SLC9D1: variants seen among roughly 807,000 people sequenced by gnomAD.
SLC9D1 encodes the protein putative LAG1-interacting protein.
At chr13:113,548,093 G>GC in the SLC9D1 span, among the ~76,000 whole-genome samples, 1 of 152,182 alleles carries the variant, frequency 6.6e-6, no homozygotes, top group South Asian at 2.1e-4. Context: ...GCTTAATTTT[G>GC]CCTTATTGTT....
the SLC9D1 span, among the ~76,000 whole-genome samples, chr13:113,540,716 G>A: frequency 1.3e-5 from 2 of 152,214 alleles, no homozygotes; most frequent in Non-Finnish European, 2.9e-5. Flanking sequence ...TTTGCTGGGC[G>A]GAAGCTCCTT....
chr13:113,506,558 A>T, the SLC9D1 span, among the ~76,000 whole-genome samples: 244 of 109,846 alleles, frequency 2.2e-3, 2 homozygotes, highest in African/African-American at 9.3e-3. Flanking sequence ...TGTGTGTGTG[A>T]GTGTGTGTGT....
chr13:113,519,347 C>CTTT, the SLC9D1 span, among the ~76,000 whole-genome samples: 24,830 of 135,680 alleles, frequency 0.18, 2,885 homozygotes, highest in African/African-American at 0.34. Flanking sequence ...CGCCCAGCCG[C>CTTT]TTTTTTTTTT....
the SLC9D1 span, chr13:113,536,754 C>T: frequency 1.4e-4 from 24 of 168,660 alleles, no homozygotes; most frequent in East Asian, 3.8e-4. Context: ...TCTTAGGATT[C>T]GTTTCCATTT....
chr13:113,533,669 C>T, the SLC9D1 span, among the ~76,000 whole-genome samples: 166 of 152,310 alleles, frequency 1.1e-3, no homozygotes, highest in African/African-American at 3.6e-3. Context: ...GTCCATCAGG[C>T]GACTGCGGTG....
the SLC9D1 span, chr13:113,501,905 G>C: frequency 6.3e-7 from 1 of 1,581,546 alleles, no homozygotes; most frequent in Non-Finnish European, 8.7e-7. Context: ...GGATTGTTTT[G>C]GTATCTGTTT....
At chr13:113,525,082 T>C in the SLC9D1 span, among the ~76,000 whole-genome samples, 1 of 152,230 alleles carries the variant, frequency 6.6e-6, no homozygotes, top group Non-Finnish European at 1.5e-5. Context: ...AACTTATCAC[T>C]GTTTGCTGGA....
chr13:113,501,903 T>G, the SLC9D1 span: 1 of 1,582,662 alleles, frequency 6.3e-7, no homozygotes, highest in African/African-American at 1.4e-5. Flanking sequence ...TTGGATTGTT[T>G]TGGTATCTGT....
chr13:113,535,686 A>T, the SLC9D1 span, among the ~76,000 whole-genome samples: 1,571 of 152,098 alleles, frequency 0.01, 12 homozygotes, highest in Non-Finnish European at 0.017. This position sits in a 1 kb window ranked among gnomAD's most constrained non-coding sequence, Gnocchi z 4.1. Context: ...AAGGCTGCGT[A>T]CTGTGTGGTT....
chr13:113,491,658 C>T, the SLC9D1 span, among the ~76,000 whole-genome samples: 1 of 152,234 alleles, frequency 6.6e-6, no homozygotes, highest in Non-Finnish European at 1.5e-5. Flanking sequence ...AGGCGCTCTT[C>T]GCTGAGGCCC....
the SLC9D1 span, chr13:113,524,051 C>T: frequency 2.2e-6 from 1 of 454,392 alleles, no homozygotes; most frequent in Admixed American, 2.4e-5. Context: ...GTGGTAAATG[C>T]TCCAAAGTCA....
the SLC9D1 span, among the ~76,000 whole-genome samples, chr13:113,492,963 C>T: frequency 6.6e-6 from 1 of 152,176 alleles, no homozygotes; most frequent in Non-Finnish European, 1.5e-5. Context: ...ATAACTAGAA[C>T]AGCTAAAGAT....
chr13:113,535,048 A>C, the SLC9D1 span: 1 of 152,250 alleles, frequency 6.6e-6, no homozygotes, highest in Non-Finnish European at 1.5e-5. The surrounding 1 kb of genome is among the most constrained non-coding windows in gnomAD (Gnocchi z 4.1). Flanking sequence ...GTGCCACTGC[A>C]CTCCAGCCTG....
At chr13:113,541,487 C>A in the SLC9D1 span, among the ~76,000 whole-genome samples, 1 of 135,400 alleles carries the variant, frequency 7.4e-6, no homozygotes, top group Non-Finnish European at 1.5e-5. Context: ...TGCTTTATTA[C>A]CGCCGAGATG....
At chr13:113,510,424 G>A in the SLC9D1 span, 2 of 1,609,984 alleles carry the variant, frequency 1.2e-6, no homozygotes, top group Non-Finnish European at 1.7e-6. Context: ...TGACAAAGAA[G>A]GTAGGTGACG....
chr13:113,550,215 ATC>A, the SLC9D1 span: 1 of 152,184 alleles, frequency 6.6e-6, no homozygotes, highest in Admixed American at 6.5e-5. Context: ...ATTTATTAAA[ATC>A]TGTTTTTATT....
At chr13:113,508,008 G>A in the SLC9D1 span, among the ~76,000 whole-genome samples, 1 of 152,266 alleles carries the variant, frequency 6.6e-6, no homozygotes, top group East Asian at 1.9e-4. Context: ...TGCAGATGGG[G>A]TTTCTGATGC....
the SLC9D1 span, among the ~76,000 whole-genome samples, chr13:113,516,602 G>A: frequency 6.6e-6 from 1 of 151,384 alleles, no homozygotes; most frequent in African/African-American, 2.4e-5. Context: ...AAAGAAATTT[G>A]TATATAGCCC....
At chr13:113,520,798 T>A in the SLC9D1 span, 1 of 1,148,734 alleles carries the variant, frequency 8.7e-7, no homozygotes, top group African/African-American at 1.5e-5. Flanking sequence ...AAAATACTAC[T>A]TAATACCTTT....
Sources: allele counts gnomAD v4.1 joint callset (sites outside exome capture counted in the v4.1 genomes callset), GRCh38; gene constraint gnomAD v4.1.1; non-coding constraint Gnocchi (gnomAD v3.1); transcripts MANE v1.5; gene names NCBI Gene and HGNC (gene_info 2026-07-23, HGNC 2026-07-21).